Variants in CPNE4 observed in about 807,000 individuals in gnomAD.
The protein encoded by CPNE4 is copine-4.
Under a neutral mutation model 67.9 loss-of-function variants are expected in CPNE4, and 25 were observed. The ratio of observed to expected loss-of-function variants is 0.37; its 90% CI spans 0.27 to 0.51. The LOEUF (loss-of-function observed/expected upper bound fraction) is 0.51, where lower values mean the gene tolerates loss of function less well. Among genes scored for constraint, CPNE4 ranks in the 20% least tolerant of loss-of-function variants. CPNE4 has a pLI of 0.93. For synonymous variants in CPNE4, 242 were observed against 244.9 expected, an observed-to-expected ratio of 0.99 and a Z score of 0.11; for missense variants, 464 against 690.8, an observed-to-expected ratio of 0.67 and a Z score of 3.68.
intron 3 of CPNE4, among the ~76,000 whole-genome samples, chr3:131,701,411 A>T (rs184375655): frequency 5.9e-5 from 9 of 152,326 alleles, no homozygotes; most frequent in African/African-American, 2.2e-4. Flanking sequence ...GGACCCAGCG[A>T]CTTGCTTCTA....
At chr3:131,645,532 T>C (rs2107615051) in intron 7 of CPNE4, among the ~76,000 whole-genome samples, 1 of 152,378 alleles carries the variant, frequency 6.6e-6, no homozygotes, top group East Asian at 1.9e-4. Context: ...TATGCCCATT[T>C]TATTAATGAT....
In CPNE4 at chr3:131,958,609, C is replaced by CTTTTTTTTTTTTTTTTT. The variant is rs748126986; in HGVS notation, c.-1-53182_-1-53166dup. Among the ~76,000 whole-genome samples, 231 of 95,950 alleles carry CTTTTTTTTTTTTTTTTT rather than the reference C, an allele frequency of 2.4e-3. 22 individuals carry two copies. Among genetic ancestry groups the CTTTTTTTTTTTTTTTTT allele is most frequent in the African/African-American group, 3.9e-3 (78 of 20,038 alleles). The allele number at this position is 95,950 out of a possible 152,430, so 62.9% of individuals were successfully genotyped here. ...CAATTGATACACCTTTCTTTCTTTT[C>CTTTTTTTTTTTTTTTTT]TTTTTTTTTTTTTTTTTTTTTTTTT... On this transcript the variant is annotated intron_variant, in intron 1 of 15. Coordinates refer to ENST00000429747, the MANE Select transcript of CPNE4 (RefSeq NM_130808.3).
At chr3:131,963,982 T>A (rs979422215) in intron 1 of CPNE4, among the ~76,000 whole-genome samples, 12 of 152,136 alleles carry the variant, frequency 7.9e-5, no homozygotes, top group African/African-American at 2.7e-4. Context: ...GAGCTCTGGC[T>A]GGCATCTGGT....
chr3:131,822,760 G>GT (rs1222170342), intron 2 of CPNE4, among the ~76,000 whole-genome samples: 1 of 152,190 alleles, frequency 6.6e-6, no homozygotes, highest in African/African-American at 2.4e-5. Flanking sequence ...AAACTTGTTT[G>GT]TTTTTTAAGT....
rs555894373 is a variant in CPNE4 at position 131,713,188 on chromosome 3, G to A, written c.360+10258C>T. Reference sequence around the variant, plus strand: ...ATTGTCATCCAGCTCCAAAGCTCTTGCCCTCCTCTGCACCAATATTGAGCT... The same window carrying A: ...ATTGTCATCCAGCTCCAAAGCTCTTACCCTCCTCTGCACCAATATTGAGCT... On this transcript the variant is annotated intron_variant, in intron 3 of 15. Transcript: ENST00000429747. Among the ~76,000 whole-genome samples, 10 of 152,070 alleles carry A rather than the reference G, an allele frequency of 6.6e-5. No homozygotes were observed. In the East Asian group the frequency reaches 1.7e-3, roughly 27 times the overall value.
At chr3:131,697,053 A>G (rs2081172203) in intron 4 of CPNE4, among the ~76,000 whole-genome samples, 1 of 152,146 alleles carries the variant, frequency 6.6e-6, no homozygotes, top group Non-Finnish European at 1.5e-5. Flanking sequence ...TTTATGTCAA[A>G]TTTTTCTAAT....
At chr3:131,894,764 G>A (rs2088257742) in intron 2 of CPNE4, among the ~76,000 whole-genome samples, 1 of 151,888 alleles carries the variant, frequency 6.6e-6, no homozygotes, top group Non-Finnish European at 1.5e-5. Context: ...CTATTGGAGG[G>A]ACTGTAAACT....
intron 2 of CPNE4, among the ~76,000 whole-genome samples, chr3:131,764,467 C>T (rs530352010): frequency 6.7e-4 from 102 of 152,048 alleles, no homozygotes; most frequent in African/African-American, 2.4e-3. Flanking sequence ...AGAAATGAAA[C>T]AATTGGAAGT....
At chr3:131,985,053 T>C (rs2073008324) in intron 1 of CPNE4, among the ~76,000 whole-genome samples, 1 of 152,210 alleles carries the variant, frequency 6.6e-6, no homozygotes, top group African/African-American at 2.4e-5. Context: ...AAGTTCTGGA[T>C]ACTGAGAGTC....
intron 3 of CPNE4, among the ~76,000 whole-genome samples, chr3:131,713,721 G>A (rs1283046146): frequency 6.6e-6 from 1 of 152,094 alleles, no homozygotes; most frequent in Non-Finnish European, 1.5e-5. Flanking sequence ...ATAAAAGGAG[G>A]ACTCCAGAGA....
upstream of CPNE4, chr3:132,038,003 CTT>C (rs35184182): frequency 6.5e-4 from 94 of 145,558 alleles, no homozygotes; most frequent in Middle Eastern, 3.5e-3. Context: ...TATTTTCTTT[CTT>C]TTTTTTTTTT....
chr3:131,710,792 G>A (rs1315797944), intron 3 of CPNE4, among the ~76,000 whole-genome samples: 1 of 152,070 alleles, frequency 6.6e-6, no homozygotes, highest in Non-Finnish European at 1.5e-5. Context: ...ATTCATAAAG[G>A]GACAAGAATC....
At chr3:131,817,142 A>G (rs2084773469) in intron 2 of CPNE4, among the ~76,000 whole-genome samples, 2 of 152,300 alleles carry the variant, frequency 1.3e-5, no homozygotes, top group South Asian at 4.1e-4. Context: ...TTGGTTCACT[A>G]CATGTGGAAA....
intron 1 of CPNE4, among the ~76,000 whole-genome samples, chr3:132,024,082 ATTT>A (rs10584915): frequency 0.22 from 29,820 of 134,114 alleles, 3,267 homozygotes; most frequent in East Asian, 0.4. Context: ...GTCTTCAGTA[ATTT>A]TTTTTTTTTT....
At chr3:131,977,150 T>C (rs1004961141) in intron 1 of CPNE4, among the ~76,000 whole-genome samples, 2 of 152,162 alleles carry the variant, frequency 1.3e-5, no homozygotes, top group Non-Finnish European at 2.9e-5. Flanking sequence ...CTCATTCTTT[T>C]TCCTAAGAGT....
At chr3:131,707,232 GCCACACTCTCTCC>G (rs2081435660) in intron 3 of CPNE4, among the ~76,000 whole-genome samples, 1 of 152,186 alleles carries the variant, frequency 6.6e-6, no homozygotes, top group Non-Finnish European at 1.5e-5. Flanking sequence ...TATTGGCAGA[GCCACACTCTCTCC>G]AGAGGCTTTA....
intron 1 of CPNE4, among the ~76,000 whole-genome samples, chr3:131,936,820 A>T (rs1259632666): frequency 6.6e-6 from 1 of 152,056 alleles, no homozygotes; most frequent in East Asian, 1.9e-4. Context: ...ATAGATCGAA[A>T]AATAACAAGA....
chr3:131,746,085 A>G (rs1388997691), intron 2 of CPNE4, among the ~76,000 whole-genome samples: 1 of 152,048 alleles, frequency 6.6e-6, no homozygotes, highest in African/African-American at 2.4e-5. Context: ...TTCAGCTTCA[A>G]GTTCTGTATA....
chr3:131,933,944 G>T (rs1187477709), intron 1 of CPNE4, among the ~76,000 whole-genome samples: 1 of 151,906 alleles, frequency 6.6e-6, no homozygotes, highest in East Asian at 1.9e-4. Context: ...AGTGAGAAGA[G>T]AAATAAATGA....
Sources: allele counts gnomAD v4.1 joint callset (sites outside exome capture counted in the v4.1 genomes callset), GRCh38; gene constraint gnomAD v4.1.1; transcripts MANE v1.5; gene names NCBI Gene and HGNC (gene_info 2026-07-23, HGNC 2026-07-21).